CCDC170: variants seen among roughly 807,000 people sequenced by gnomAD.
CCDC170 encodes the protein coiled-coil domain containing 170.
Under a neutral mutation model 72.6 loss-of-function variants are expected in CCDC170, and 69 were observed. That is an observed-to-expected ratio of 0.95 (90% confidence interval 0.78 to 1.16). The LOEUF (loss-of-function observed/expected upper bound fraction) is 1.16, where lower values mean the gene tolerates loss of function less well. Ranked by LOEUF, CCDC170 falls within the 50% of genes most tolerant of loss-of-function variation. The pLI, the probability that CCDC170 is intolerant of heterozygous loss-of-function variation, is 0.00. For missense variants in CCDC170, 852 were observed against 832.5 expected (o/e 1.02, Z -0.29); for synonymous variants, 300 against 303.9 (o/e 0.99, Z 0.13).
chr6:151,499,196 G>A (rs1402809724), intron 1 of CCDC170, among the ~76,000 whole-genome samples: 1 of 133,206 alleles, frequency 7.5e-6, no homozygotes. Context: ...TTTTAGGCAC[G>A]CTGCATAAGT....
intron 6 of CCDC170, among the ~76,000 whole-genome samples, chr6:151,576,349 C>T (rs557825489): frequency 6.6e-6 from 1 of 151,530 alleles, no homozygotes; most frequent in Non-Finnish European, 1.5e-5. Context: ...ACTAACACGT[C>T]TTTGTTGGGA....
chr6:151,548,130 C>T (rs1367204924), intron 4 of CCDC170, among the ~76,000 whole-genome samples, 174 bp from the exon 5 acceptor site: 1 of 152,204 alleles, frequency 6.6e-6, no homozygotes, highest in Non-Finnish European at 1.5e-5. Context: ...ATTTGACCCC[C>T]AGGTCTAAAA....
intron 9 of CCDC170, among the ~76,000 whole-genome samples, chr6:151,599,446 A>G (rs1051844767): frequency 6.6e-6 from 1 of 152,194 alleles, no homozygotes; most frequent in Non-Finnish European, 1.5e-5. Context: ...GTGACAGTCA[A>G]TGCAATAATA....
intron 5 of CCDC170, among the ~76,000 whole-genome samples, chr6:151,558,372 C>T (rs985421006): frequency 2.0e-5 from 3 of 150,728 alleles, no homozygotes; most frequent in African/African-American, 7.3e-5. Context: ...GTTGATTGTT[C>T]CTTGTGCTGT....
At chr6:151,556,132 C>CT in intron 5 of CCDC170, among the ~76,000 whole-genome samples, 1 of 152,186 alleles carries the variant, frequency 6.6e-6, no homozygotes, top group Admixed American at 6.5e-5. Flanking sequence ...GACTTATTCT[C>CT]TTTTTTAGTT....
chr6:151,557,204 C>A (rs1322491418), intron 5 of CCDC170, among the ~76,000 whole-genome samples: 1 of 151,880 alleles, frequency 6.6e-6, no homozygotes, highest in Non-Finnish European at 1.5e-5. Flanking sequence ...GTAAGGAGAC[C>A]GAGACCATCC....
At chr6:151,589,192 T>C (rs545932311) in intron 7 of CCDC170, among the ~76,000 whole-genome samples, 13 of 151,868 alleles carry the variant, frequency 8.6e-5, no homozygotes, top group Non-Finnish European at 1.6e-4. Flanking sequence ...GAGGCAGAGG[T>C]TGCAGTGAGC....
rs543339404 is a variant in CCDC170, at chr6:151,573,752, C to G, written c.1092+261C>G. 2.6e-5 allele frequency among the ~76,000 whole-genome samples: 4 copies of G among 152,148 alleles called. No homozygotes were observed. In the East Asian group the frequency reaches 7.7e-4, roughly 29 times the overall value. ...GAGAGAGAGTGTGCAGGGGAACTGC[C>G]CTTTATAAAACCATCAGATCTCCTG... is the stretch of plus-strand genomic sequence containing the variant. On this transcript the variant is annotated intron_variant, in intron 6 of 10. Coordinates refer to ENST00000239374, the MANE Select transcript of CCDC170 (RefSeq NM_025059.4).
chr6:151,564,248 A>G (rs941066516), intron 5 of CCDC170, among the ~76,000 whole-genome samples: 1 of 152,026 alleles, frequency 6.6e-6, no homozygotes, highest in African/African-American at 2.4e-5. Context: ...GCAGCGGTGT[A>G]GTTTCCTAAT....
chr6:151,523,425 G>A (rs1011200428), intron 1 of CCDC170, among the ~76,000 whole-genome samples: 3 of 152,080 alleles, frequency 2.0e-5, no homozygotes, highest in Non-Finnish European at 2.9e-5. Context: ...GGTGGCTCAC[G>A]CCTGTAATCC....
rs142038909 is a variant in CCDC170 at position 151,573,705 on chromosome 6, C to T, written c.1092+214C>T. ...AGAAAGCAAAGGAGGAGCAAAGGCA[C>T]ATCTTACGTGGTGGCAGGCAAGAGA... On this transcript the variant is annotated intron_variant, in intron 6 of 10. Coordinates refer to ENST00000239374, the MANE Select transcript of CCDC170 (RefSeq NM_025059.4). 6.2e-3 allele frequency among the ~76,000 whole-genome samples: 950 copies of T among 152,304 alleles called. 5 individuals carry two copies. Among genetic ancestry groups the T allele is most frequent in the Non-Finnish European group, 0.011 (741 of 68,030 alleles).
intron 6 of CCDC170, among the ~76,000 whole-genome samples, chr6:151,576,921 C>G (rs1195936566): frequency 1.3e-5 from 2 of 152,132 alleles, no homozygotes; most frequent in Non-Finnish European, 2.9e-5. Flanking sequence ...GGCAGATTCT[C>G]CGCTTCAGGC....
intron 9 of CCDC170, among the ~76,000 whole-genome samples, chr6:151,610,147 G>A (rs1732325672): frequency 6.6e-6 from 1 of 152,176 alleles, no homozygotes; most frequent in Middle Eastern, 3.2e-3. Context: ...GTTTTAAAGG[G>A]AGATCACTTT....
chr6:151,537,143 C>G (rs1425143736), intron 2 of CCDC170, among the ~76,000 whole-genome samples: 2 of 152,112 alleles, frequency 1.3e-5, no homozygotes, highest in Non-Finnish European at 2.9e-5. Flanking sequence ...TGTGGTAGTT[C>G]CAACTGGCTG....
At chr6:151,544,473 G>A (rs944324628) in intron 3 of CCDC170, 99 bp from the exon 4 acceptor site, 1 of 1,154,140 alleles carries the variant, frequency 8.7e-7, no homozygotes, top group Non-Finnish European at 1.2e-6. Context: ...TGTTGAAAAT[G>A]ACAATTATTT....
chr6:151,567,479 G>T (rs886975060), intron 5 of CCDC170, among the ~76,000 whole-genome samples: 1 of 152,054 alleles, frequency 6.6e-6, no homozygotes, highest in Non-Finnish European at 1.5e-5. Flanking sequence ...TAATCCACCT[G>T]CCTTGGCCTC....
chr6:151,517,809 A>G (rs576205400), intron 1 of CCDC170, among the ~76,000 whole-genome samples: 1 of 152,248 alleles, frequency 6.6e-6, no homozygotes, highest in East Asian at 1.9e-4. Flanking sequence ...GGGCCAAGTC[A>G]AGCTGTGGTC....
chr6:151,566,079 G>A (rs1037682366), intron 5 of CCDC170, among the ~76,000 whole-genome samples: 1 of 152,162 alleles, frequency 6.6e-6, no homozygotes, highest in Non-Finnish European at 1.5e-5. Flanking sequence ...TTGTCAACTA[G>A]TACTGATTTT....
chr6:151,577,196 G>A (rs12203469), intron 6 of CCDC170, among the ~76,000 whole-genome samples: 11,794 of 152,186 alleles, frequency 0.077, 578 homozygotes, highest in Non-Finnish European at 0.11. Flanking sequence ...GGCCAGTCCT[G>A]TGCATTGCAG....
Sources: gnomAD v4.1 joint callset for allele counts (sites outside exome capture counted in the v4.1 genomes callset) on GRCh38, gnomAD v4.1.1 for gene constraint, MANE v1.5 for transcripts, NCBI Gene and HGNC (gene_info 2026-07-23, HGNC 2026-07-21) for gene names.